Variants in CDC14B observed in about 807,000 individuals in gnomAD.
CDC14B encodes the protein cell division cycle 14B.
In CDC14B, 22 loss-of-function variants were observed where a neutral mutation model predicts 64.2. That is an observed-to-expected ratio of 0.34 (90% CI 0.24 to 0.49). The LOEUF (loss-of-function observed/expected upper bound fraction) is 0.49. Ranked by LOEUF, CDC14B falls within the 20% of genes least tolerant of loss-of-function variation. CDC14B has a pLI of 0.99. For missense variants in CDC14B, 498 were observed against 629.9 expected (o/e 0.79, Z 2.24); for synonymous variants, 191 against 215.8 (o/e 0.89, Z 1.01).
At chr9:96,551,739 A>G in intron 5 of CDC14B, 57 bp downstream of exon 5, 3 of 1,584,804 alleles carry the variant, frequency 1.9e-6, no homozygotes, top group Admixed American at 1.9e-5. Context: ...ACAACTATCA[A>G]GATATTTCTG....
At position 96,566,940 on chromosome 9, in the gene CDC14B, C is replaced by T; in HGVS notation, c.161-1457G>A. On this transcript the variant is annotated intron_variant, in intron 1 of 13. Transcript: ENST00000375241. ...TTAAAGGGCCGCGCGGGGCAGCGGG[C>T]GCAGCGACACCCCTCGGCGGCCCAA... 4.0e-6 allele frequency: 6 copies of T among 1,504,214 alleles called. No homozygotes were observed. The South Asian group carries it at 6.4e-5, about 16-fold the overall frequency. The allele number at this position is 1,504,214 out of a possible 1,614,324, so 93.2% of individuals were successfully genotyped here.
chr9:96,607,833 C>T (rs1011025133), intron 1 of CDC14B, among the ~76,000 whole-genome samples: 9 of 152,194 alleles, frequency 5.9e-5, no homozygotes, highest in Non-Finnish European at 1.3e-4. Context: ...TCGATTCCCA[C>T]TCCCAGCTAT....
chr9:96,559,275 C>G (rs1051904693), intron 4 of CDC14B, among the ~76,000 whole-genome samples: 1 of 152,140 alleles, frequency 6.6e-6, no homozygotes, highest in Non-Finnish European at 1.5e-5. Flanking sequence ...GCCCTGAATT[C>G]AAAAAGGACT....
At chr9:96,610,736 A>G (rs1847260711) in intron 1 of CDC14B, among the ~76,000 whole-genome samples, 1 of 152,126 alleles carries the variant, frequency 6.6e-6, no homozygotes, top group African/African-American at 2.4e-5. Flanking sequence ...AGTGAAATTC[A>G]ATTTAAAAAG....
At chr9:96,534,699 A>C (rs76857701) in intron 7 of CDC14B, among the ~76,000 whole-genome samples, 157 bp from the exon 8 acceptor site, 2 of 152,222 alleles carry the variant, frequency 1.3e-5, no homozygotes, top group Non-Finnish European at 2.9e-5. Flanking sequence ...TTGCCCTGCT[A>C]TAAGTATATC....
chr9:96,495,024 C>T (rs1220700732), intron 13 of CDC14B, among the ~76,000 whole-genome samples: 10 of 151,566 alleles, frequency 6.6e-5, no homozygotes, highest in Admixed American at 5.3e-4. Flanking sequence ...TTAGTAGAGA[C>T]GGGGTTTCAC....
chr9:96,543,249 G>A (rs1359585538), intron 5 of CDC14B, among the ~76,000 whole-genome samples: 1 of 151,974 alleles, frequency 6.6e-6, no homozygotes, highest in Non-Finnish European at 1.5e-5. Context: ...GCAGGAGAAT[G>A]GCGTGAACCC....
rs772984884 is a variant in CDC14B, at chr9:96,522,576, C to T, written c.1273G>A (p.Val425Met). ...PYSDDDEING[V>M]TQGDRLRALK... is the part of the protein sequence containing the mutation. ...GCCCGAAGTCTATCACCTTGTGTCA[C>T]TCCATTGATTTCGTCATCATCACTG... The change falls in exon 12 of 14, where the codon GTG (valine) becomes ATG (methionine). Residue 425 changes from valine (V) to methionine (M), a missense_variant. Transcript: ENST00000375241. 6.2e-7 allele frequency: 1 copy of T among 1,612,862 alleles called. No homozygotes were observed. The highest frequency in any genetic ancestry group is 1.1e-5 in the South Asian group (1 of 91,062).
intron 5 of CDC14B, among the ~76,000 whole-genome samples, chr9:96,548,379 C>A (rs1047747158): frequency 3.9e-5 from 6 of 152,030 alleles, no homozygotes; most frequent in African/African-American, 1.4e-4. Flanking sequence ...TAACAATGAT[C>A]CTATGATATT....
chr9:96,601,517 G>A (rs1470152241), intron 1 of CDC14B, among the ~76,000 whole-genome samples: 1 of 148,318 alleles, frequency 6.7e-6, no homozygotes, highest in Non-Finnish European at 1.5e-5. Flanking sequence ...TTACAAAAGG[G>A]CCGGGCGTGG....
At chr9:96,492,975 G>T (rs1833126007) in exon 14 of CDC14B, 1 of 152,264 alleles carries the variant, frequency 6.6e-6, no homozygotes, top group Admixed American at 6.5e-5. Flanking sequence ...TCCACGCAAG[G>T]TGGGCCCCTC....
At chr9:96,532,944 G>A (rs1347438409) in intron 9 of CDC14B, among the ~76,000 whole-genome samples, 1 of 152,018 alleles carries the variant, frequency 6.6e-6, no homozygotes, top group African/African-American at 2.4e-5. Flanking sequence ...TCCACAATTT[G>A]ATCTTTCTCA....
intron 9 of CDC14B, among the ~76,000 whole-genome samples, chr9:96,524,142 T>C (rs1206808958): frequency 6.6e-6 from 1 of 152,226 alleles, no homozygotes; most frequent in African/African-American, 2.4e-5. Flanking sequence ...TTCACCATGT[T>C]GGCCAAGCTG....
intron 1 of CDC14B, among the ~76,000 whole-genome samples, chr9:96,590,263 T>G (rs1156279434): frequency 1.3e-5 from 2 of 152,230 alleles, no homozygotes; most frequent in East Asian, 3.8e-4. Flanking sequence ...GTGACAAGCT[T>G]ATTGAACGTA....
downstream of CDC14B, among the ~76,000 whole-genome samples, chr9:96,496,036 T>C (rs1044307317): frequency 1.3e-5 from 2 of 152,076 alleles, no homozygotes; most frequent in Admixed American, 1.3e-4. Flanking sequence ...CAGGGGCTCC[T>C]AGCCTAAGAA....
intron 1 of CDC14B, among the ~76,000 whole-genome samples, chr9:96,609,670 G>A (rs954216322): frequency 6.6e-6 from 1 of 152,186 alleles, no homozygotes; most frequent in Admixed American, 6.5e-5. Flanking sequence ...TGTAATGATA[G>A]TATTGCATTA....
intron 5 of CDC14B, among the ~76,000 whole-genome samples, chr9:96,548,757 C>T (rs966955212): frequency 6.6e-6 from 1 of 150,518 alleles, no homozygotes; most frequent in Admixed American, 6.6e-5. Context: ...GCCAAGATTG[C>T]GCCACTGAAC....
At chr9:96,598,367 C>T (rs1038254404) in intron 1 of CDC14B, among the ~76,000 whole-genome samples, 2 of 152,074 alleles carry the variant, frequency 1.3e-5, no homozygotes, top group Non-Finnish European at 2.9e-5. Context: ...GATGGAGTCT[C>T]GCTCTGTCAC....
At chr9:96,541,914 A>G (rs1840115206) in intron 5 of CDC14B, 22 bp from the exon 6 acceptor site, 2 of 1,565,452 alleles carry the variant, frequency 1.3e-6, no homozygotes, top group Non-Finnish European at 1.8e-6. Flanking sequence ...GAGTAATAAA[A>G]TGTAGATCAG....
Sources: gnomAD v4.1 joint callset for allele counts (sites outside exome capture counted in the v4.1 genomes callset) on GRCh38, gnomAD v4.1.1 for gene constraint, MANE v1.5 for transcripts, NCBI Gene and HGNC (gene_info 2026-07-23, HGNC 2026-07-21) for gene names.